Variants in SYCE2 observed in about 807,000 individuals in gnomAD.
SYCE2 encodes synaptonemal complex central element protein 2, also known as central element synaptonemal complex 1.
SYCE2 carries 3 observed loss-of-function variants against 27.9 expected under a neutral mutation model. The observed-to-expected ratio is 0.11, with a 90% CI of 0.05 to 0.28. SYCE2 has a LOEUF of 0.28. SYCE2 is among the 10% of genes least tolerant of loss of function. SYCE2 has a pLI of 1.00. For missense variants in SYCE2, 207 were observed against 263.5 expected (o/e 0.79, Z 1.48); for synonymous variants, 85 against 100.7 (o/e 0.84, Z 0.93).
At chr19:12,910,770 C>T (rs1460934668) in intron 2 of SYCE2, among the ~76,000 whole-genome samples, 3 of 151,198 alleles carry the variant, frequency 2.0e-5, no homozygotes, top group South Asian at 4.2e-4. Flanking sequence ...CTCTGCCTCC[C>T]GGGTTCATGC....
chr19:12,907,851 C>T (rs1024308592), intron 2 of SYCE2, among the ~76,000 whole-genome samples: 2 of 152,178 alleles, frequency 1.3e-5, no homozygotes, highest in South Asian at 2.1e-4. Flanking sequence ...AGTGGGCTCA[C>T]GCCTGTAATA....
At chr19:12,902,264 A>T (rs771038691) in intron 3 of SYCE2, among the ~76,000 whole-genome samples, 8 of 152,136 alleles carry the variant, frequency 5.3e-5, no homozygotes, top group Non-Finnish European at 1.2e-4. Flanking sequence ...CATGTCACAA[A>T]ACTGTACAGT....
At chr19:12,912,224 C>T (rs751156534) in intron 2 of SYCE2, among the ~76,000 whole-genome samples, 97 of 151,852 alleles carry the variant, frequency 6.4e-4, no homozygotes, top group Non-Finnish European at 1.3e-3. Flanking sequence ...GCGTGAGCCA[C>T]CAAGCCCGAT....
intron 2 of SYCE2, among the ~76,000 whole-genome samples, chr19:12,914,684 A>G (rs1971106898): frequency 6.6e-6 from 1 of 152,176 alleles, no homozygotes; most frequent in Non-Finnish European, 1.5e-5. Flanking sequence ...ATCTTGGCTC[A>G]GTGCAACCTC....
intron 4 of SYCE2, 53 bp downstream of exon 4, chr19:12,900,407 G>A: frequency 1.3e-6 from 2 of 1,573,084 alleles, no homozygotes; most frequent in Non-Finnish European, 1.7e-6. Flanking sequence ...TCTTGGCTGG[G>A]CCATCCCTGT....
chr19:12,905,574 G>A (rs966317822), intron 2 of SYCE2, among the ~76,000 whole-genome samples: 8 of 152,002 alleles, frequency 5.3e-5, no homozygotes, highest in Non-Finnish European at 8.8e-5. Context: ...CTCGTGATCC[G>A]CCCGCCTCAG....
intron 3 of SYCE2, 27 bp from the exon 4 acceptor site, chr19:12,900,675 G>GA (rs1282466787): frequency 2.5e-6 from 4 of 1,593,846 alleles, no homozygotes; most frequent in Non-Finnish European, 3.4e-6. Context: ...TGTGTTCTCG[G>GA]AAAATCAAAC....
At chr19:12,919,131 G>T in intron 1 of SYCE2, 112 bp downstream of exon 1, 1 of 1,446,928 alleles carries the variant, frequency 6.9e-7, no homozygotes, top group Non-Finnish European at 9.6e-7. Flanking sequence ...AGCCCCAATG[G>T]CAAAGGACAA....
chr19:12,917,912 G>T (rs1971165620), intron 2 of SYCE2, among the ~76,000 whole-genome samples: 1 of 152,064 alleles, frequency 6.6e-6, no homozygotes, highest in East Asian at 1.9e-4. Flanking sequence ...ACCCGCCTTG[G>T]CCTCCCAAAG....
intron 3 of SYCE2, 69 bp downstream of exon 3, chr19:12,904,423 A>G: frequency 6.3e-7 from 1 of 1,587,122 alleles, no homozygotes; most frequent in Non-Finnish European, 8.6e-7. Context: ...TACAACAGAC[A>G]CCATCAGTGG....
chr19:12,908,733 G>T (rs539754580), intron 2 of SYCE2, among the ~76,000 whole-genome samples: 1 of 152,158 alleles, frequency 6.6e-6, no homozygotes. Flanking sequence ...TGACCTTGTG[G>T]TTAGACCGAT....
At chr19:12,911,216 A>C (rs1568437591) in intron 2 of SYCE2, among the ~76,000 whole-genome samples, 1 of 151,578 alleles carries the variant, frequency 6.6e-6, no homozygotes, top group Non-Finnish European at 1.5e-5. Context: ...GCCTCAAAAA[A>C]TCCTGCCTCG....
At chr19:12,905,114 C>A (rs1472204541) in intron 2 of SYCE2, among the ~76,000 whole-genome samples, 1 of 152,006 alleles carries the variant, frequency 6.6e-6, no homozygotes, top group Non-Finnish European at 1.5e-5. Flanking sequence ...CCATGGGTGA[C>A]ACGAGGCATG....
Position 12,900,571 on chromosome 19 carries a change from C to G in SYCE2, c.384G>C (p.Lys128Asn). The G allele has an allele frequency of 6.2e-7, 1 of 1,614,164 alleles. No individual in the cohort carries two copies. Among genetic ancestry groups the G allele is most frequent in the East Asian group, 2.2e-5 (1 of 44,890 alleles). The change falls in exon 4 of 6, where the codon AAG becomes AAC. Residue 128 changes from lysine (K) to asparagine (N), a missense_variant. Physicochemically the swap from Lys to Asn is moderately conservative, Grantham distance 94. Transcript: ENST00000293695. ...CCATTTTCTGGGTGAACTCTTGGAG[C>G]TTTTCCTGGATGATCTTGTTGTGGT... ...YNDHNKIIQE[K>N]LQEFTQKMAK... is the part of the protein sequence containing the mutation.
Position 12,918,250 on chromosome 19 carries a change from C to G in SYCE2, c.103G>C (p.Glu35Gln), listed in dbSNP as rs1033678334. 1 of 1,614,194 alleles carries G rather than the reference C, an allele frequency of 6.2e-7. No homozygotes were observed. The highest frequency in any genetic ancestry group is 1.7e-5 in the Admixed American group (1 of 60,012). ...KEHPRWEENCEEEAGGGPASA... is the reference protein window; with the variant it reads ...KEHPRWEENCQEEAGGGPASA... ...GCTGGCCCTCCACCAGCTTCCTCCT[C>G]GCAGTTCTCTTCCCACCGCGGATGC... Residue 35 changes from glutamate to glutamine, a missense_variant, in exon 2 of 6, where the codon GAG becomes CAG. Physicochemically the swap from Glu to Gln is conservative, Grantham distance 29. Transcript: ENST00000293695.
chr19:12,916,631 G>A (rs1295248609), intron 2 of SYCE2, among the ~76,000 whole-genome samples: 1 of 152,066 alleles, frequency 6.6e-6, no homozygotes, highest in East Asian at 1.9e-4. Context: ...TTTTGAGACA[G>A]GGTCTTGCTC....
chr19:12,919,164 G>A (rs982608165), intron 1 of SYCE2, 79 bp downstream of exon 1: 254 of 1,582,936 alleles, frequency 1.6e-4, no homozygotes, highest in Non-Finnish European at 2.1e-4. Context: ...GGGTCCGCTG[G>A]AGATGGCTGG....
chr19:12,904,107 G>A (rs1236916841), intron 3 of SYCE2, among the ~76,000 whole-genome samples: 9 of 152,170 alleles, frequency 5.9e-5, no homozygotes, highest in South Asian at 2.1e-4. Context: ...TCGACCTTGC[G>A]TGAAGTAAGA....
chr19:12,901,338 T>C (rs1353789559), intron 3 of SYCE2, among the ~76,000 whole-genome samples: 2 of 150,790 alleles, frequency 1.3e-5, no homozygotes, highest in Admixed American at 6.6e-5. Context: ...ATGATGCCAT[T>C]GCACTCTAAC....
Sources: gnomAD v4.1 joint callset for allele counts (sites outside exome capture counted in the v4.1 genomes callset) on GRCh38, gnomAD v4.1.1 for gene constraint, MANE v1.5 for transcripts, NCBI Gene and HGNC (gene_info 2026-07-23, HGNC 2026-07-21) for gene names.